INPP4B: variants seen among roughly 807,000 people sequenced by gnomAD.
INPP4B encodes the protein inositol polyphosphate 4-phosphatase type II.
INPP4B carries 55 observed loss-of-function variants against 122.5 expected under a neutral mutation model. The ratio of observed to expected loss-of-function variants is 0.45; its 90% CI spans 0.36 to 0.56. The LOEUF (loss-of-function observed/expected upper bound fraction) is 0.56. Among genes scored for constraint, INPP4B ranks in the 20% least tolerant of loss-of-function variants. The pLI, the probability that INPP4B is intolerant of heterozygous loss-of-function variation, is 0.00. For synonymous variants in INPP4B, 403 were observed against 388.7 expected, an observed-to-expected ratio of 1.04 and a Z score of -0.43; for missense variants, 1,000 against 1,097.7, an observed-to-expected ratio of 0.91 and a Z score of 1.26.
chr4:142,033,840 T>C (rs1439074701), intron 25 of INPP4B, among the ~76,000 whole-genome samples: 1 of 28,694 alleles, frequency 3.5e-5, no homozygotes, highest in Admixed American at 5.1e-4. Flanking sequence ...AATTTTTGTG[T>C]TTTTTTAATA....
chr4:142,360,117 T>A (rs1024171607), intron 7 of INPP4B, among the ~76,000 whole-genome samples: 9 of 152,072 alleles, frequency 5.9e-5, no homozygotes, highest in Admixed American at 5.9e-4. Context: ...ATTTTAACCA[T>A]AAAATGGCCC....
At chr4:142,821,964 A>G (rs1401233447) in intron 1 of INPP4B, among the ~76,000 whole-genome samples, 1 of 152,120 alleles carries the variant, frequency 6.6e-6, no homozygotes, top group African/African-American at 2.4e-5. Flanking sequence ...TGTGTCCCTA[A>G]AGGCCAGGGT....
At chr4:142,050,924 T>C (rs1421738601) in intron 25 of INPP4B, among the ~76,000 whole-genome samples, 1 of 151,998 alleles carries the variant, frequency 6.6e-6, no homozygotes, top group Non-Finnish European at 1.5e-5. Flanking sequence ...AACCCATAGA[T>C]TTAATTACAT....
intron 7 of INPP4B, among the ~76,000 whole-genome samples, chr4:142,334,302 A>T (rs1775762116): frequency 6.6e-6 from 1 of 152,212 alleles, no homozygotes; most frequent in Non-Finnish European, 1.5e-5. Flanking sequence ...GTATGTGTAC[A>T]TATGTGTATA....
rs528961603 is a variant in INPP4B at position 142,806,842 on chromosome 4, A to G, written c.-254+39367T>C. 1.2e-3 allele frequency among the ~76,000 whole-genome samples: 175 copies of G among 151,104 alleles called. 1 individual carries two copies. The highest frequency in any genetic ancestry group is 6.8e-3 in the Middle Eastern group (2 of 294). On this transcript the variant is annotated intron_variant, in intron 1 of 25. Coordinates refer to ENST00000262992, the MANE Select transcript of INPP4B (RefSeq NM_001101669.3). ...AAGAAAGAAAGAAAGAAAGAAAGAAAGAAAGAAAGGAGAAGAAAAAGAAAC... is the reference window on the plus strand; with the variant it reads ...AAGAAAGAAAGAAAGAAAGAAAGAAGGAAAGAAAGGAGAAGAAAAAGAAAC...
chr4:142,551,630 T>A (rs1169134550), intron 2 of INPP4B, among the ~76,000 whole-genome samples: 1 of 152,180 alleles, frequency 6.6e-6, no homozygotes, highest in African/African-American at 2.4e-5. Flanking sequence ...TTTGTTTTTC[T>A]GGAAAGTGAG....
chr4:142,133,064 T>C (rs1341916413), intron 18 of INPP4B, among the ~76,000 whole-genome samples: 1 of 152,164 alleles, frequency 6.6e-6, no homozygotes, highest in Admixed American at 6.5e-5. Flanking sequence ...CAGGATAGCA[T>C]ATTCTCTTTG....
chr4:142,693,260 T>C (rs1474109775), intron 2 of INPP4B, among the ~76,000 whole-genome samples: 1 of 152,004 alleles, frequency 6.6e-6, no homozygotes, highest in African/African-American at 2.4e-5. Flanking sequence ...GAATGGCTGA[T>C]GGCAGTTGCT....
intron 2 of INPP4B, among the ~76,000 whole-genome samples, chr4:142,652,493 C>T (rs138295904): frequency 4.9e-4 from 74 of 152,268 alleles, no homozygotes; most frequent in African/African-American, 1.7e-3. Flanking sequence ...CCCAAAATCT[C>T]CTTAAGCTGA....
rs140205370 is a variant in INPP4B at position 142,260,921 on chromosome 4, A to G, written c.616-357T>C. On this transcript the variant is annotated intron_variant, in intron 10 of 25. Coordinates refer to ENST00000262992, the MANE Select transcript of INPP4B (RefSeq NM_001101669.3). The stretch of plus-strand genomic sequence containing the variant: ...CTTTCACCTGAGCTAATTTCAGATC[A>G]ATAGAAAGCAAATTATTTTCTAGAG... Among the ~76,000 whole-genome samples the G allele has an allele frequency of 5.0e-4, 76 of 152,362 alleles. 1 individual carries two copies. The highest frequency in any genetic ancestry group is 6.8e-3 in the Middle Eastern group (2 of 294).
chr4:142,134,201 T>G (rs556187813), intron 18 of INPP4B, among the ~76,000 whole-genome samples: 19 of 152,336 alleles, frequency 1.2e-4, no homozygotes, highest in Admixed American at 1.2e-3. Context: ...TCCTTTTTAT[T>G]ACCATAAAAC....
chr4:142,557,274 G>A (rs552517094), intron 2 of INPP4B, among the ~76,000 whole-genome samples: 35 of 152,254 alleles, frequency 2.3e-4, no homozygotes, highest in African/African-American at 6.7e-4. Flanking sequence ...ATTTAGATTC[G>A]GATGTTAAGA....
At chr4:142,223,181 CAT>C (rs1044287029) in intron 12 of INPP4B, among the ~76,000 whole-genome samples, 9 of 151,552 alleles carry the variant, frequency 5.9e-5, no homozygotes, top group African/African-American at 2.2e-4. Flanking sequence ...CTGTTCCACA[CAT>C]ATGTGCATGC....
chr4:142,526,354 T>C (rs538563155), intron 2 of INPP4B, among the ~76,000 whole-genome samples: 128 of 152,212 alleles, frequency 8.4e-4, no homozygotes, highest in African/African-American at 3.0e-3. Context: ...TTGTGCTATC[T>C]ATTTTCAGAT....
intron 11 of INPP4B, among the ~76,000 whole-genome samples, chr4:142,258,739 C>T (rs1460068218): frequency 2.6e-5 from 4 of 152,158 alleles, no homozygotes; most frequent in African/African-American, 9.7e-5. Context: ...AATAGGAACA[C>T]TTTTACACTG....
At chr4:142,289,127 T>C (rs747308775) in intron 9 of INPP4B, among the ~76,000 whole-genome samples, 1 of 152,208 alleles carries the variant, frequency 6.6e-6, no homozygotes, top group South Asian at 2.1e-4. Flanking sequence ...GACTGTCTGA[T>C]GAAAGCATCA....
At chr4:142,806,796 A>C (rs934479189) in intron 1 of INPP4B, among the ~76,000 whole-genome samples, 1 of 141,094 alleles carries the variant, frequency 7.1e-6, no homozygotes, top group Non-Finnish European at 1.5e-5. Flanking sequence ...GGAAAGAAAG[A>C]AAGAAAGAAA....
chr4:142,550,016 T>C (rs990390545), intron 2 of INPP4B, among the ~76,000 whole-genome samples: 2 of 152,088 alleles, frequency 1.3e-5, no homozygotes, highest in Non-Finnish European at 2.9e-5. Flanking sequence ...TTCTAGCAGG[T>C]TGGTGAATTT....
chr4:142,251,503 C>G (rs973741136), intron 11 of INPP4B, among the ~76,000 whole-genome samples: 9 of 152,098 alleles, frequency 5.9e-5, no homozygotes, highest in African/African-American at 2.2e-4. Flanking sequence ...AACTCAGATG[C>G]TTTTAGGATG....
Sources: gnomAD v4.1 joint callset for allele counts (sites outside exome capture counted in the v4.1 genomes callset) on GRCh38, gnomAD v4.1.1 for gene constraint, MANE v1.5 for transcripts, NCBI Gene and HGNC (gene_info 2026-07-23, HGNC 2026-07-21) for gene names.